CCDC102B: variants seen among roughly 807,000 people sequenced by gnomAD.
CCDC102B encodes the protein coiled-coil domain containing 102B, also known as coiled-coil domain-containing protein 102B.
In CCDC102B, 75 loss-of-function variants were observed where a neutral mutation model predicts 57.4. The observed-to-expected ratio is 1.31, with a 90% confidence interval of 1.08 to 1.58. CCDC102B has a LOEUF of 1.58. Among genes scored for constraint, CCDC102B ranks in the 40% most tolerant of loss-of-function variants. The pLI is 0.00. For synonymous variants in CCDC102B, 206 were observed against 201.9 expected, an observed-to-expected ratio of 1.02 and a Z score of -0.17; for missense variants, 636 against 582.6, an observed-to-expected ratio of 1.09 and a Z score of -0.94.
intron 7 of CCDC102B, among the ~76,000 whole-genome samples, chr18:69,026,984 A>G (rs2052010533): frequency 6.6e-6 from 1 of 152,206 alleles, no homozygotes; most frequent in African/African-American, 2.4e-5. Flanking sequence ...AAAATGACTC[A>G]GTCTTTCTGT....
chr18:68,865,469 A>G (rs2038934516), intron 4 of CCDC102B, among the ~76,000 whole-genome samples: 1 of 152,092 alleles, frequency 6.6e-6, no homozygotes, highest in Admixed American at 6.5e-5. Context: ...TCATCATACC[A>G]CTGCCATCTC....
At chr18:69,021,521 G>A (rs1599859880) in intron 7 of CCDC102B, among the ~76,000 whole-genome samples, 2 of 152,222 alleles carry the variant, frequency 1.3e-5, no homozygotes, top group South Asian at 4.1e-4. Flanking sequence ...TTAGGTGTTG[G>A]AATATACATG....
chr18:68,785,505 T>C (rs2035171713), intron 2 of CCDC102B, among the ~76,000 whole-genome samples: 1 of 151,682 alleles, frequency 6.6e-6, no homozygotes. Flanking sequence ...TCCTGACTTT[T>C]TAATGATTGC....
intron 2 of CCDC102B, among the ~76,000 whole-genome samples, chr18:68,770,959 C>A (rs949295757): frequency 9.9e-5 from 15 of 152,202 alleles, no homozygotes; most frequent in African/African-American, 3.6e-4. Flanking sequence ...CCAAATACTG[C>A]ATCACCCTGA....
At chr18:68,839,039 A>C in intron 3 of CCDC102B, 113 bp downstream of exon 3, 1 of 881,276 alleles carries the variant, frequency 1.1e-6, no homozygotes, top group East Asian at 2.6e-5. Flanking sequence ...TTTAGTCATT[A>C]AGTTTTAGGA....
intron 4 of CCDC102B, among the ~76,000 whole-genome samples, chr18:68,863,215 C>G (rs1231088286): frequency 6.6e-6 from 1 of 150,956 alleles, no homozygotes; most frequent in Non-Finnish European, 1.5e-5. Flanking sequence ...TCTCCTTTTT[C>G]TCTTTTAATA....
intron 1 of CCDC102B, among the ~76,000 whole-genome samples, chr18:68,825,122 C>T (rs1437512098): frequency 6.6e-6 from 1 of 152,162 alleles, no homozygotes; most frequent in African/African-American, 2.4e-5. Flanking sequence ...ACGGAAGTTA[C>T]TCTTATATAA....
chr18:69,000,942 G>A (rs1332476977), intron 6 of CCDC102B, among the ~76,000 whole-genome samples: 2 of 152,090 alleles, frequency 1.3e-5, no homozygotes, highest in East Asian at 3.9e-4. Flanking sequence ...TACAGATATA[G>A]TGATACAGTA....
chr18:68,768,136 A>G (rs2034526484), intron 2 of CCDC102B, among the ~76,000 whole-genome samples: 1 of 152,220 alleles, frequency 6.6e-6, no homozygotes, highest in Admixed American at 6.5e-5. Context: ...AGTCTATAGC[A>G]ATTTACAATC....
intron 6 of CCDC102B, among the ~76,000 whole-genome samples, chr18:68,971,012 G>T (rs139340226): frequency 6.6e-6 from 1 of 151,928 alleles, no homozygotes; most frequent in Non-Finnish European, 1.5e-5. Flanking sequence ...AGTCAAGGTA[G>T]CCATGTTCAA....
intron 2 of CCDC102B, among the ~76,000 whole-genome samples, chr18:68,759,744 G>T (rs1270969277): frequency 6.6e-6 from 1 of 152,024 alleles, no homozygotes; most frequent in African/African-American, 2.4e-5. Context: ...AGAGAAAACA[G>T]GATATCCAAT....
chr18:68,845,789 G>A (rs953691208), intron 3 of CCDC102B, among the ~76,000 whole-genome samples: 10 of 151,648 alleles, frequency 6.6e-5, no homozygotes, highest in South Asian at 6.2e-4. Flanking sequence ...ATTTAAATAA[G>A]GATCCCAGTG....
At chr18:69,055,198 T>C (rs889584856), downstream of CCDC102B, 3 of 945,372 alleles carry the variant, frequency 3.2e-6, no homozygotes, top group Non-Finnish European at 3.8e-6. Context: ...TCTCTCATTG[T>C]AAAAGCCTTT....
chr18:68,941,996 T>C (rs141813456), intron 6 of CCDC102B, among the ~76,000 whole-genome samples: 1 of 152,218 alleles, frequency 6.6e-6, no homozygotes, highest in Non-Finnish European at 1.5e-5. Flanking sequence ...CCAAAGAAGA[T>C]TATTGTGCTC....
intron 6 of CCDC102B, among the ~76,000 whole-genome samples, chr18:68,920,200 A>G (rs972557470): frequency 6.6e-6 from 1 of 152,064 alleles, no homozygotes; most frequent in Non-Finnish European, 1.5e-5. Flanking sequence ...CTCACTTGTA[A>G]GTGAGAACAT....
intron 6 of CCDC102B, among the ~76,000 whole-genome samples, chr18:68,940,158 A>T (rs1249199625): frequency 6.6e-6 from 1 of 151,778 alleles, no homozygotes; most frequent in Non-Finnish European, 1.5e-5. Flanking sequence ...AAATCAGTTA[A>T]ATAAGAATTC....
chr18:68,977,449 C>G (rs116963244), intron 6 of CCDC102B, among the ~76,000 whole-genome samples: 1 of 151,308 alleles, frequency 6.6e-6, no homozygotes, highest in Non-Finnish European at 1.5e-5. Flanking sequence ...CAGTGTGTGA[C>G]GTTCCCCTCT....
downstream of CCDC102B, among the ~76,000 whole-genome samples, chr18:69,057,671 C>G (rs1568155865): frequency 6.6e-6 from 1 of 151,982 alleles, no homozygotes; most frequent in South Asian, 2.1e-4. Flanking sequence ...GAAGTAGCCA[C>G]GTGCATGTAT....
chr18:68,867,258 G>A (rs1373236073), intron 4 of CCDC102B, among the ~76,000 whole-genome samples: 4 of 152,162 alleles, frequency 2.6e-5, no homozygotes, highest in Non-Finnish European at 5.9e-5. Context: ...CCGAAGTGCT[G>A]GGATTACAGG....
Sources: allele counts gnomAD v4.1 joint callset (sites outside exome capture counted in the v4.1 genomes callset), GRCh38; gene constraint gnomAD v4.1.1; transcripts MANE v1.5; gene names NCBI Gene and HGNC (gene_info 2026-07-23, HGNC 2026-07-21).